Variants in TMEM192 observed in about 807,000 individuals in gnomAD.
TMEM192 encodes transmembrane protein 192.
In TMEM192, 20 loss-of-function variants were observed where a neutral mutation model predicts 26.7. The ratio of observed to expected loss-of-function variants is 0.75; its 90% CI spans 0.53 to 1.09. TMEM192 has a LOEUF of 1.09. Among genes scored for constraint, TMEM192 ranks in the 50% least tolerant of loss-of-function variants. TMEM192 has a pLI of 0.00. For missense variants in TMEM192, 304 were observed against 322.6 expected, an observed-to-expected ratio of 0.94 and a Z score of 0.44; for synonymous variants, 124 against 121.0, an observed-to-expected ratio of 1.02 and a Z score of -0.16.
Position 165,076,324 on chromosome 4 carries a change from G to A in TMEM192, c.*3334C>T, listed in dbSNP as rs910920508. 2 of 152,092 alleles carry A rather than the reference G, an allele frequency of 1.3e-5. No homozygotes were observed. Among genetic ancestry groups the A allele is most frequent in the African/African-American group, 4.8e-5 (2 of 41,410 alleles). The allele number at this position is 152,092 out of a possible 1,614,324, so 9.4% of individuals were successfully genotyped here. On this transcript the variant is annotated 3_prime_UTR_variant, in exon 6 of 6. Transcript: ENST00000306480. Reference sequence around the variant, plus strand: ...TTTCCTCCATATTGAACTACCATCTGATCCTGCTGAAACTAAAACTGACAT... The same window carrying A: ...TTTCCTCCATATTGAACTACCATCTAATCCTGCTGAAACTAAAACTGACAT...
chr4:165,096,950 TTAAG>T (rs1294826563), intron 3 of TMEM192, among the ~76,000 whole-genome samples: 52 of 76,876 alleles, frequency 6.8e-4, no homozygotes, highest in African/African-American at 2.5e-3. Flanking sequence ...TAGTTTAAAA[TTAAG>T]TTTTTTCTTT....
rs555779016 is a variant in TMEM192 at position 165,076,451 on chromosome 4, C to G, written c.*3207G>C. The G allele has an allele frequency of 3.3e-5, 5 of 152,428 alleles. No homozygotes were observed. The East Asian group carries it at 9.6e-4, about 29-fold the overall frequency. The allele number at this position is 152,428 out of a possible 1,614,324, so 9.4% of individuals were successfully genotyped here. A position where few individuals can be genotyped will look rare whatever the true frequency, so the allele number is the denominator to read the frequency against. On this transcript the variant is annotated 3_prime_UTR_variant, in exon 6 of 6. Coordinates refer to ENST00000306480, the MANE Select transcript of TMEM192 (RefSeq NM_001100389.2). ...AAGGCCCTCCAAGCTCTGACCCTGTCTACCTCTCCACCCAGGTCCTGCCTC... is the reference window on the plus strand; with the variant it reads ...AAGGCCCTCCAAGCTCTGACCCTGTGTACCTCTCCACCCAGGTCCTGCCTC...
chr4:165,071,968 T>TGTG lies in TMEM192; in HGVS notation c.*7687_*7689dup, dbSNP rs1420667902. 1.3e-5 allele frequency: 2 copies of TGTG among 152,182 alleles called. No individual in the cohort carries two copies. The highest frequency in any genetic ancestry group is 2.9e-5 in the Non-Finnish European group (2 of 68,176). The allele number at this position is 152,182 out of a possible 1,614,324, so 9.4% of individuals were successfully genotyped here. A position where few individuals can be genotyped will look rare whatever the true frequency, so the allele number is the denominator to read the frequency against. ...ACTTAAAAGACTCTTATAGGCCAGG[T>TGTG]GTGGTGGCTCATGCCTGTAATCCCA... On this transcript the variant is annotated 3_prime_UTR_variant, in exon 6 of 6. Transcript: ENST00000306480.
At chr4:165,107,089 A>G (rs181793509) in intron 1 of TMEM192, among the ~76,000 whole-genome samples, 11 of 150,662 alleles carry the variant, frequency 7.3e-5, no homozygotes, top group African/African-American at 2.4e-4. Context: ...CAATGGCATG[A>G]TCTCAGCTCA....
rs552327865 is a variant in TMEM192, at chr4:165,087,988, C to A, written c.574+480G>T. 7.2e-5 allele frequency among the ~76,000 whole-genome samples: 11 copies of A among 152,328 alleles called. No individual in the cohort carries two copies. The South Asian group carries it at 1.7e-3, about 23-fold the overall frequency. ...GCAGGCATGTGATCTTGGCTCACTG[C>A]AACCTCTGTCTCCCAGGCTCTAGTG... is the stretch of plus-strand genomic sequence containing the variant. On this transcript the variant is annotated intron_variant, in intron 4 of 5. Coordinates refer to ENST00000306480, the MANE Select transcript of TMEM192 (RefSeq NM_001100389.2).
intron 1 of TMEM192, among the ~76,000 whole-genome samples, chr4:165,112,176 A>G (rs1735307715): frequency 6.6e-6 from 1 of 152,186 alleles, no homozygotes; most frequent in Non-Finnish European, 1.5e-5. Context: ...AAAACAACAC[A>G]TGACACTTTT....
At chr4:165,101,891 A>G (rs1365236525) in intron 2 of TMEM192, among the ~76,000 whole-genome samples, 2 of 152,214 alleles carry the variant, frequency 1.3e-5, no homozygotes, top group Non-Finnish European at 2.9e-5. Flanking sequence ...CAGACAGGCA[A>G]ACCTATCAGT....
Position 165,072,566 on chromosome 4 carries a change from A to AC in TMEM192, c.*7091_*7092insG, listed in dbSNP as rs1454851440. The AC allele has an allele frequency of 2.0e-5, 3 of 151,852 alleles. No homozygotes were observed. Among genetic ancestry groups the AC allele is most frequent in the Non-Finnish European group, 4.4e-5 (3 of 68,104 alleles). 9.4% of individuals were successfully genotyped at this position (151,852 alleles called of 1,614,324 possible). A position where few individuals can be genotyped will look rare whatever the true frequency, so the allele number is the denominator to read the frequency against. On this transcript the variant is annotated 3_prime_UTR_variant, in exon 6 of 6. Coordinates refer to ENST00000306480, the MANE Select transcript of TMEM192 (RefSeq NM_001100389.2). Reference sequence around the variant, plus strand: ...AGCGAGACTCCCTCCCCCAAAAAAAAAAAACAAAACCAAAAAACCGAAAGA... The same window carrying AC: ...AGCGAGACTCCCTCCCCCAAAAAAAACAAAACAAAACCAAAAAACCGAAAGA...
intron 5 of TMEM192, among the ~76,000 whole-genome samples, chr4:165,084,574 C>T (rs556102281): frequency 7.2e-5 from 11 of 151,840 alleles, no homozygotes; most frequent in Non-Finnish European, 1.3e-4. Context: ...AGGAATAACT[C>T]GTGTCCCAGA....
intron 2 of TMEM192, 103 bp downstream of exon 2, chr4:165,102,847 C>A: frequency 1.4e-5 from 13 of 947,826 alleles, no homozygotes; most frequent in Non-Finnish European, 1.3e-5. Context: ...ATGTGCCCTA[C>A]ATTTTAAATG....
intron 4 of TMEM192, among the ~76,000 whole-genome samples, chr4:165,087,915 G>A (rs559364993): frequency 6.6e-6 from 1 of 152,138 alleles, no homozygotes; most frequent in Non-Finnish European, 1.5e-5. Flanking sequence ...TGTTTTTGTT[G>A]TTGTTGTTTT....
intron 3 of TMEM192, among the ~76,000 whole-genome samples, chr4:165,096,720 A>C (rs1396083851): frequency 6.6e-6 from 1 of 151,860 alleles, no homozygotes; most frequent in Non-Finnish European, 1.5e-5. Context: ...CTGGGTTTTC[A>C]CATGAGCCAC....
In TMEM192 at chr4:165,103,104, G is replaced by A. The variant is rs1454775293; in HGVS notation, c.28-8C>T. 3 of 1,590,838 alleles carry A rather than the reference G, an allele frequency of 1.9e-6. No homozygotes were observed. The highest frequency in any genetic ancestry group is 1.2e-5 in the South Asian group (1 of 86,858). On this transcript the variant is annotated splice_polypyrimidine_tract_variant and splice_region_variant and intron_variant, in intron 1 of 5. Transcript: ENST00000306480. ...GGTGATATCCAAGGAACCCTGGGGT[G>A]CAGAAAAACAAGCAACCTATAATCA...
chr4:165,086,926 G>A (rs995245492), intron 4 of TMEM192, among the ~76,000 whole-genome samples: 1 of 152,052 alleles, frequency 6.6e-6, no homozygotes, highest in Middle Eastern at 3.4e-3. Flanking sequence ...CCAGCCTGGC[G>A]AACATGATGA....
Position 165,100,722 on chromosome 4 carries a change from C to T in TMEM192, c.345G>A (p.Gln115=). ...ILHLLLECYI[Q]YHHSKIRNRG... ...GGTTTCTGATTTTGCTGTGGTGATACTGGATGTAGCATTCAAGGAGTAAAT... is the reference window on the plus strand; with the variant it reads ...GGTTTCTGATTTTGCTGTGGTGATATTGGATGTAGCATTCAAGGAGTAAAT... Residue 115 remains glutamine, a synonymous_variant, in exon 3 of 6, where the codon CAG becomes CAA. Transcript: ENST00000306480. The T allele has an allele frequency of 6.2e-7, 1 of 1,614,056 alleles. No individual in the cohort carries two copies. Among genetic ancestry groups the T allele is most frequent in the Non-Finnish European group, 8.5e-7 (1 of 1,180,032 alleles).
intron 1 of TMEM192, among the ~76,000 whole-genome samples, chr4:165,109,371 T>G (rs988393784): frequency 6.6e-6 from 1 of 152,120 alleles, no homozygotes; most frequent in African/African-American, 2.4e-5. Flanking sequence ...ATTTATTTAT[T>G]TACTTTTGAG....
chr4:165,089,278 C>G (rs981029920), intron 3 of TMEM192, among the ~76,000 whole-genome samples: 1 of 151,926 alleles, frequency 6.6e-6, no homozygotes, highest in African/African-American at 2.4e-5. Flanking sequence ...GGCAGGACCC[C>G]TCTGAAATAA....
At chr4:165,106,978 G>A (rs1359107259) in intron 1 of TMEM192, among the ~76,000 whole-genome samples, 4 of 151,656 alleles carry the variant, frequency 2.6e-5, no homozygotes, top group Admixed American at 6.6e-5. Context: ...TTAGTCTATC[G>A]CTTTACAATC....
At chr4:165,103,895 T>G (rs1735105101) in intron 1 of TMEM192, among the ~76,000 whole-genome samples, 1 of 152,140 alleles carries the variant, frequency 6.6e-6, no homozygotes, top group Non-Finnish European at 1.5e-5. Context: ...CTCAAACTCC[T>G]GACCTCAGGT....
Sources: gnomAD v4.1 joint callset for allele counts (sites outside exome capture counted in the v4.1 genomes callset) on GRCh38, gnomAD v4.1.1 for gene constraint, MANE v1.5 for transcripts, NCBI Gene and HGNC (gene_info 2026-07-23, HGNC 2026-07-21) for gene names.